Variants in CMTM3 observed in about 807,000 individuals in gnomAD.
CMTM3 encodes the protein CKLF-like MARVEL transmembrane domain-containing protein 3.
CMTM3 carries 7 observed loss-of-function variants against 18.2 expected under a neutral mutation model. The ratio of observed to expected loss-of-function variants is 0.38; its 90% CI spans 0.22 to 0.72. The LOEUF (loss-of-function observed/expected upper bound fraction) is 0.72, where lower values mean the gene tolerates loss of function less well. Among genes scored for constraint, CMTM3 ranks in the 30% least tolerant of loss-of-function variants. The pLI is 0.46. For missense variants in CMTM3, 227 were observed against 249.2 expected (o/e 0.91, Z 0.60); for synonymous variants, 109 against 111.2 (o/e 0.98, Z 0.12).
In CMTM3 at chr16:66,610,027, C is replaced by T; in HGVS notation, c.520+24C>T. 1 of 1,612,526 alleles carries T rather than the reference C, an allele frequency of 6.2e-7. No individual in the cohort carries two copies. Among genetic ancestry groups the T allele is most frequent in the Non-Finnish European group, 8.5e-7 (1 of 1,179,018 alleles). On this transcript the variant is annotated intron_variant, in intron 4 of 4. Transcript: ENST00000567572. This position sits in a 1 kb window ranked among gnomAD's most constrained non-coding sequence, Gnocchi z 4.6. ...AGGTAAGCGGCTGCCCTGATCACCC[C>T]AGCAGTGCTGCAACAGGGGCCTGCC...
Position 66,612,709 on chromosome 16 carries a change from G to A in CMTM3, c.*72G>A, listed in dbSNP as rs926507729. 1.1e-5 allele frequency: 16 copies of A among 1,489,622 alleles called. No individual in the cohort carries two copies. Among genetic ancestry groups the A allele is most frequent in the African/African-American group, 5.5e-5 (4 of 72,470 alleles). The allele number at this position is 1,489,622 out of a possible 1,614,324, so 92.3% of individuals were successfully genotyped here. A position where few individuals can be genotyped will look rare whatever the true frequency, so the allele number is the denominator to read the frequency against. On this transcript the variant is annotated 3_prime_UTR_variant, in exon 5 of 5. Coordinates refer to ENST00000567572, the MANE Select transcript of CMTM3 (RefSeq NM_181553.4). The surrounding 1 kb of genome is among the most constrained non-coding windows in gnomAD (Gnocchi z 6.0). ...CCTGCGCCTCACAGGGGTCGCTGGC[G>A]TTGGAGCGGAGGCCTGGACTTCTGA...
At chr16:66,611,536 G>A (rs1001393590) in intron 4 of CMTM3, among the ~76,000 whole-genome samples, 1 of 152,102 alleles carries the variant, frequency 6.6e-6, no homozygotes, top group African/African-American at 2.4e-5. Flanking sequence ...TGGGGTTTAG[G>A]GACTAGGCTG....
rs1234678554 is a variant in CMTM3 at position 66,608,398 on chromosome 16, G to A, written c.237G>A (p.Leu79=). 4 of 1,614,086 alleles carry A rather than the reference G, an allele frequency of 2.5e-6. No homozygotes were observed. Among genetic ancestry groups the A allele is most frequent in the African/African-American group, 1.3e-5 (1 of 74,936 alleles). Reference sequence around the variant, plus strand: ...CTCTGCTGGAGTTCCTGCTGGCCTTGTACTTCCTCTTTGCTGATGCCATGC... The same window carrying A: ...CTCTGCTGGAGTTCCTGCTGGCCTTATACTTCCTCTTTGCTGATGCCATGC... ...TAPLLEFLLA[L]YFLFADAMQL... The change falls in exon 2 of 5, where the codon TTG becomes TTA. Residue 79 remains leucine, a synonymous_variant. Transcript: ENST00000567572. This position sits in a 1 kb window ranked among gnomAD's most constrained non-coding sequence, Gnocchi z 5.1.
intron 1 of CMTM3, among the ~76,000 whole-genome samples, chr16:66,606,632 C>T (rs1003505957): frequency 2.6e-5 from 4 of 152,174 alleles, no homozygotes; most frequent in South Asian, 2.1e-4. Flanking sequence ...CATGTTCAAA[C>T]GCAGCCACAG....
chr16:66,609,924 C>G lies in CMTM3; in HGVS notation c.441C>G (p.Phe147Leu). Residue 147 changes from phenylalanine to leucine, a missense_variant, in exon 4 of 5, where the codon TTC becomes TTG. Transcript: ENST00000567572. This position sits in a 1 kb window ranked among gnomAD's most constrained non-coding sequence, Gnocchi z 4.4. ...FFATIVFATD[F>L]YLIFNDVAKF... Reference sequence around the variant, plus strand: ...CTACCATCGTGTTTGCAACTGATTTCTACCTGATCTTTAACGACGTGGCCA... The same window carrying G: ...CTACCATCGTGTTTGCAACTGATTTGTACCTGATCTTTAACGACGTGGCCA... 1 of 1,614,176 alleles carries G rather than the reference C, an allele frequency of 6.2e-7. No homozygotes were observed. The highest frequency in any genetic ancestry group is 8.5e-7 in the Non-Finnish European group (1 of 1,180,040).
rs1474974797 is a variant in CMTM3, at chr16:66,609,156, C to T, written c.304-279C>T. On this transcript the variant is annotated intron_variant, in intron 2 of 4. Coordinates refer to ENST00000567572, the MANE Select transcript of CMTM3 (RefSeq NM_181553.4). This position sits in a 1 kb window ranked among gnomAD's most constrained non-coding sequence, Gnocchi z 4.4. ...GTGTTTCCAACTTCTGCTTCCACCGCATCGCAGGGCAGGCTGCACCCTGAT... is the reference window on the plus strand; with the variant it reads ...GTGTTTCCAACTTCTGCTTCCACCGTATCGCAGGGCAGGCTGCACCCTGAT... Among the ~76,000 whole-genome samples the T allele has an allele frequency of 6.6e-6, 1 of 151,726 alleles. No homozygotes were observed. Among genetic ancestry groups the T allele is most frequent in the South Asian group, 2.1e-4 (1 of 4,786 alleles).
chr16:66,604,942 T>C lies in CMTM3; in HGVS notation c.137T>C (p.Leu46Pro), dbSNP rs1482590148. 1.3e-6 allele frequency: 2 copies of C among 1,503,804 alleles called. No individual in the cohort carries two copies. The highest frequency in any genetic ancestry group is 1.8e-6 in the Non-Finnish European group (2 of 1,137,044). The allele number at this position is 1,503,804 out of a possible 1,614,324, so 93.2% of individuals were successfully genotyped here. A position where few individuals can be genotyped will look rare whatever the true frequency, so the allele number is the denominator to read the frequency against. Residue 46 changes from leucine (L) to proline (P), a missense_variant, in exon 1 of 5, where the codon CTG becomes CCG. Physicochemically the swap from Leu to Pro is moderately conservative, Grantham distance 98 (BLOSUM62 -3). Coordinates refer to ENST00000567572, the MANE Select transcript of CMTM3 (RefSeq NM_181553.4). ...FLCSLKGRLL[L>P]AESGLSFITF... Reference sequence around the variant, plus strand: ...TGCTCTCTCAAAGGCCGCCTCCTGCTGGCCGAGTCGGTGAGTGCGGCGGGA... The same window carrying C: ...TGCTCTCTCAAAGGCCGCCTCCTGCCGGCCGAGTCGGTGAGTGCGGCGGGA...
chr16:66,611,235 T>C (rs2015364697), intron 4 of CMTM3, among the ~76,000 whole-genome samples: 1 of 152,088 alleles, frequency 6.6e-6, no homozygotes, highest in African/African-American at 2.4e-5. Flanking sequence ...GGTGGATCAC[T>C]TGAGGTCAGG....
chr16:66,609,863 C>CCCATCCACCCTGT lies in CMTM3; in HGVS notation c.400-16_400-4dup. On this transcript the variant is annotated intron_variant, in intron 3 of 4. Coordinates refer to ENST00000567572, the MANE Select transcript of CMTM3 (RefSeq NM_181553.4). This position sits in a 1 kb window ranked among gnomAD's most constrained non-coding sequence, Gnocchi z 4.4. ...GCAGGGAGTCAGCCCTGTGATGCAT[C>CCCATCCACCCTGT]CCATCCACCCTGTCCACAGGTGTTT... is the stretch of plus-strand genomic sequence containing the variant. 1 of 1,614,174 alleles carries CCCATCCACCCTGT rather than the reference C, an allele frequency of 6.2e-7. No homozygotes were observed. The highest frequency in any genetic ancestry group is 8.5e-7 in the Non-Finnish European group (1 of 1,180,032).
chr16:66,609,686 T>C lies in CMTM3; in HGVS notation c.399+156T>C. Reference sequence around the variant, plus strand: ...CAAAGTCCTCTCATTAAAGACTGACTCTACCCGGGGTTTTGAAAGGCTGTT... The same window carrying C: ...CAAAGTCCTCTCATTAAAGACTGACCCTACCCGGGGTTTTGAAAGGCTGTT... On this transcript the variant is annotated intron_variant, in intron 3 of 4. Transcript: ENST00000567572. This position sits in a 1 kb window ranked among gnomAD's most constrained non-coding sequence, Gnocchi z 4.4. 1 of 1,541,348 alleles carries C rather than the reference T, an allele frequency of 6.5e-7. No individual in the cohort carries two copies. Among genetic ancestry groups the C allele is most frequent in the Non-Finnish European group, 8.7e-7 (1 of 1,143,922 alleles).
rs543565997 is a variant in CMTM3, at chr16:66,608,122, A to T, written c.148-187A>T. 4.3e-4 allele frequency among the ~76,000 whole-genome samples: 66 copies of T among 152,288 alleles called. No homozygotes were observed. The highest frequency in any genetic ancestry group is 1.5e-3 in the African/African-American group (64 of 41,562). On this transcript the variant is annotated intron_variant, in intron 1 of 4. Transcript: ENST00000567572. The surrounding 1 kb of genome is among the most constrained non-coding windows in gnomAD (Gnocchi z 5.1). ...GGGCCTCTCAAAGTGCTAGGATTACAGGTGTGAGCCACTGTGCTTGGCCTG... is the reference window on the plus strand; with the variant it reads ...GGGCCTCTCAAAGTGCTAGGATTACTGGTGTGAGCCACTGTGCTTGGCCTG...
chr16:66,609,628 C>A lies in CMTM3; in HGVS notation c.399+98C>A, dbSNP rs1293191425. On this transcript the variant is annotated intron_variant, in intron 3 of 4. Coordinates refer to ENST00000567572, the MANE Select transcript of CMTM3 (RefSeq NM_181553.4). The surrounding 1 kb of genome is among the most constrained non-coding windows in gnomAD (Gnocchi z 4.4). ...CAGAGCCTTTCCCTGCTGGGGCCCC[C>A]CTGGGGTCTCATGTGGGTCCCGATG... 6 of 1,513,984 alleles carry A rather than the reference C, an allele frequency of 4.0e-6. No individual in the cohort carries two copies. The highest frequency in any genetic ancestry group is 2.8e-5 in the African/African-American group (2 of 72,376). The allele number at this position is 1,513,984 out of a possible 1,614,324, so 93.8% of individuals were successfully genotyped here. A position where few individuals can be genotyped will look rare whatever the true frequency, so the allele number is the denominator to read the frequency against.
Position 66,610,853 on chromosome 16 carries a change from G to C in CMTM3, c.520+850G>C, listed in dbSNP as rs2015349923. 6 of 398,532 alleles carry C rather than the reference G, an allele frequency of 1.5e-5. No homozygotes were observed. Among genetic ancestry groups the C allele is most frequent in the African/African-American group, 2.1e-5 (1 of 48,628 alleles). The allele number at this position is 398,532 out of a possible 1,614,324, so 24.7% of individuals were successfully genotyped here. On this transcript the variant is annotated intron_variant, in intron 4 of 4. Coordinates refer to ENST00000567572, the MANE Select transcript of CMTM3 (RefSeq NM_181553.4). This position sits in a 1 kb window ranked among gnomAD's most constrained non-coding sequence, Gnocchi z 4.6. ...AGAGCCACTGGTTTCCTAACAGCCA[G>C]GTGCTGGGGCCATGGGGATTTGTGA...
At chr16:66,604,612 C>G (rs1207489103), upstream of CMTM3, 3 of 384,924 alleles carry the variant, frequency 7.8e-6, no homozygotes, top group African/African-American at 4.5e-5. Context: ...CAGCATCCCC[C>G]GCAGCCGGGG....
intron 1 of CMTM3, among the ~76,000 whole-genome samples, chr16:66,607,459 A>G (rs910514256): frequency 1.3e-5 from 2 of 152,234 alleles, no homozygotes; most frequent in Non-Finnish European, 2.9e-5. Context: ...TTAAAACTCC[A>G]AAAGATTTTT....
Position 66,610,154 on chromosome 16 carries a change from C to A in CMTM3, c.520+151C>A. 2 of 945,998 alleles carry A rather than the reference C, an allele frequency of 2.1e-6. No individual in the cohort carries two copies. The highest frequency in any genetic ancestry group is 3.2e-6 in the Non-Finnish European group (2 of 633,876). The allele number at this position is 945,998 out of a possible 1,614,324, so 58.6% of individuals were successfully genotyped here. A position where few individuals can be genotyped will look rare whatever the true frequency, so the allele number is the denominator to read the frequency against. ...CAGCCCATTCTCACCTACCCTCATG[C>A]AGCACTGATCCAAAGCCAGTCCCAT... On this transcript the variant is annotated intron_variant, in intron 4 of 4. Transcript: ENST00000567572. This position sits in a 1 kb window ranked among gnomAD's most constrained non-coding sequence, Gnocchi z 4.6.
In CMTM3 at chr16:66,612,793, C is replaced by T. The variant is rs750574791; in HGVS notation, c.*156C>T. On this transcript the variant is annotated 3_prime_UTR_variant, in exon 5 of 5. Transcript: ENST00000567572. The surrounding 1 kb of genome is among the most constrained non-coding windows in gnomAD (Gnocchi z 6.0). ...CTACAGCCTCAGGTTCTGCCTGAGC[C>T]CAGCCTACCAGGCTTGCCCCTCAGC... 1.2e-4 allele frequency: 83 copies of T among 710,974 alleles called. No individual in the cohort carries two copies. The South Asian group carries it at 1.5e-3, about 13-fold the overall frequency. The allele number at this position is 710,974 out of a possible 1,614,324, so 44.0% of individuals were successfully genotyped here.
chr16:66,608,224 T>C lies in CMTM3; in HGVS notation c.148-85T>C, dbSNP rs1455687945. 6.7e-7 allele frequency: 1 copy of C among 1,498,074 alleles called. No individual in the cohort carries two copies. The highest frequency in any genetic ancestry group is 1.2e-5 in the South Asian group (1 of 82,480). 92.8% of individuals were successfully genotyped at this position (1,498,074 alleles called of 1,614,324 possible). A position where few individuals can be genotyped will look rare whatever the true frequency, so the allele number is the denominator to read the frequency against. Reference sequence around the variant, plus strand: ...GCTTCCCCTGCTGGAACCTCCTCTATCCTGACCACAGGGCCTGGCTCAGAG... The same window carrying C: ...GCTTCCCCTGCTGGAACCTCCTCTACCCTGACCACAGGGCCTGGCTCAGAG... On this transcript the variant is annotated intron_variant, in intron 1 of 4. Coordinates refer to ENST00000567572, the MANE Select transcript of CMTM3 (RefSeq NM_181553.4). This position sits in a 1 kb window ranked among gnomAD's most constrained non-coding sequence, Gnocchi z 5.1.
Position 66,613,060 on chromosome 16 carries a change from AG to A in CMTM3, c.*425del, listed in dbSNP as rs890796951. The A allele has an allele frequency of 2.7e-5, 19 of 702,894 alleles. No homozygotes were observed. Among genetic ancestry groups the A allele is most frequent in the African/African-American group, 2.1e-4 (12 of 57,264 alleles). 43.5% of individuals were successfully genotyped at this position (702,894 alleles called of 1,614,324 possible). A position where few individuals can be genotyped will look rare whatever the true frequency, so the allele number is the denominator to read the frequency against. On this transcript the variant is annotated 3_prime_UTR_variant, in exon 5 of 5. Coordinates refer to ENST00000567572, the MANE Select transcript of CMTM3 (RefSeq NM_181553.4). ...GAAACCATGACAGGGCTGCCCCGCC[AG>A]GCCCCGGTGGGTTTGTCTGCACTTG...
Sources: gnomAD v4.1 joint callset for allele counts (sites outside exome capture counted in the v4.1 genomes callset) on GRCh38, gnomAD v4.1.1 for gene constraint, Gnocchi (gnomAD v3.1) non-coding constraint, MANE v1.5 for transcripts, NCBI Gene and HGNC (gene_info 2026-07-23, HGNC 2026-07-21) for gene names.